The following ENOSF1 variants were observed in gnomAD, a reference collection of about 807,000 sequenced individuals.
The protein encoded by ENOSF1 is mitochondrial enolase superfamily member 1.
A neutral mutation model predicts 68.2 loss-of-function variants in ENOSF1; 73 were observed. The ratio of observed to expected loss-of-function variants is 1.07; its 90% CI spans 0.89 to 1.30. The LOEUF (loss-of-function observed/expected upper bound fraction) is 1.30, where lower values mean the gene tolerates loss of function less well. Ranked by LOEUF, ENOSF1 falls within the 50% of genes most tolerant of loss-of-function variation. ENOSF1 has a pLI of 0.00. For synonymous variants in ENOSF1, 223 were observed against 210.4 expected, an observed-to-expected ratio of 1.06 and a Z score of -0.52; for missense variants, 589 against 554.5, an observed-to-expected ratio of 1.06 and a Z score of -0.62.
rs1297504515 is a variant in ENOSF1 at position 675,257 on chromosome 18, A to C, written c.1230+64T>G. The C allele has an allele frequency of 3.1e-6, 4 of 1,271,980 alleles. No individual in the cohort carries two copies. The African/African-American group carries it at 4.4e-5, about 14-fold the overall frequency. 78.8% of individuals were successfully genotyped at this position (1,271,980 alleles called of 1,614,324 possible). ...AGCTTGGTGCTCCACAGTCTAGTTC[A>C]CGAGACAGGCGTGGCAGTGGCTGGC... On this transcript the variant is annotated intron_variant, in intron 15 of 15. Coordinates refer to ENST00000647584, the MANE Select transcript of ENOSF1 (RefSeq NM_017512.7).
downstream of ENOSF1, among the ~76,000 whole-genome samples, chr18:666,969 T>TGATGGTGATGGCGATGGC (rs2074841687): frequency 7.2e-5 from 1 of 13,962 alleles, no homozygotes; most frequent in African/African-American, 3.6e-4. Flanking sequence ...ATGGAGATGG[T>TGATGGTGATGGCGATGGC]GATGGAGATG....
chr18:697,329 G>T lies in ENOSF1; in HGVS notation c.220C>A (p.His74Asn). The stretch of plus-strand genomic sequence containing the variant: ...TTGAGGTCCTTGTTGAGCACATGGT[G>T]GGCGAGGGCATTCACAGCACAGACA... ...VVVCAVNALA[H>N]HVLNKDLKDI... The change falls in exon 3 of 16, where the codon CAC becomes AAC. Residue 74 changes from histidine (H) to asparagine (N), a missense_variant. Coordinates refer to ENST00000647584, the MANE Select transcript of ENOSF1 (RefSeq NM_017512.7). The T allele has an allele frequency of 6.2e-7, 1 of 1,613,790 alleles. No individual in the cohort carries two copies. Among genetic ancestry groups the T allele is most frequent in the Non-Finnish European group, 8.5e-7 (1 of 1,179,832 alleles).
chr18:675,592 A>C (rs2075411156), intron 14 of ENOSF1, 190 bp from the exon 15 acceptor site: 2 of 586,652 alleles, frequency 3.4e-6, no homozygotes, highest in Non-Finnish European at 6.1e-6. Context: ...AAAATATAGC[A>C]ATGTGAGGTG....
In ENOSF1 at chr18:697,327, G is replaced by A; in HGVS notation, c.222C>T (p.His74=). 2.5e-6 allele frequency: 4 copies of A among 1,613,902 alleles called. No individual in the cohort carries two copies. The highest frequency in any genetic ancestry group is 3.4e-6 in the Non-Finnish European group (4 of 1,179,906). ...VVVCAVNALA[H]HVLNKDLKDI... is the part of the protein sequence containing the mutation. ...CCTTGAGGTCCTTGTTGAGCACATG[G>A]TGGGCGAGGGCATTCACAGCACAGA... is the stretch of plus-strand genomic sequence containing the variant. Residue 74 remains histidine, a synonymous_variant, in exon 3 of 16, where the codon CAC becomes CAT. Transcript: ENST00000647584.
Position 706,454 on chromosome 18 carries a change from A to G in ENOSF1, c.193+16T>C, listed in dbSNP as rs1322060883. 6.5e-7 allele frequency: 1 copy of G among 1,534,984 alleles called. No individual in the cohort carries two copies. The highest frequency in any genetic ancestry group is 2.2e-5 in the East Asian group (1 of 44,532). On this transcript the variant is annotated intron_variant, in intron 2 of 15. Coordinates refer to ENST00000647584, the MANE Select transcript of ENOSF1 (RefSeq NM_017512.7). The stretch of plus-strand genomic sequence containing the variant: ...AAATTAAGCATTCTGGAACCTCGAG[A>G]GAATCTTCAACTCACCAACTTCAGT...
intron 1 of ENOSF1, among the ~76,000 whole-genome samples, chr18:707,077 C>G (rs980670927): frequency 3.3e-5 from 5 of 151,938 alleles, no homozygotes; most frequent in African/African-American, 1.2e-4. Context: ...CCTTGGCCTC[C>G]CAAAGTGCTG....
At chr18:703,117 G>T (rs754121192) in intron 2 of ENOSF1, among the ~76,000 whole-genome samples, 18 of 152,160 alleles carry the variant, frequency 1.2e-4, no homozygotes, top group Non-Finnish European at 2.5e-4. Flanking sequence ...GAAAAAGGAG[G>T]AAGCCAAAAC....
intron 9 of ENOSF1, 24 bp from the exon 10 acceptor site, chr18:686,032 AGT>A: frequency 6.3e-7 from 1 of 1,575,066 alleles, no homozygotes; most frequent in East Asian, 2.2e-5. Context: ...TTGGTTTGCT[AGT>A]TTAGACCTGT....
rs1268774668 is a variant in ENOSF1, at chr18:671,460, T to C, written c.*2845A>G. On this transcript the variant is annotated 3_prime_UTR_variant, in exon 16 of 16. Transcript: ENST00000647584. Reference sequence around the variant, plus strand: ...AGCCACTGAAAATTCAGGTAAGAATTAGATGTTATACTTTTGGGTTTGGTA... The same window carrying C: ...AGCCACTGAAAATTCAGGTAAGAATCAGATGTTATACTTTTGGGTTTGGTA... The C allele has an allele frequency of 6.3e-7, 1 of 1,591,966 alleles. No homozygotes were observed. The highest frequency in any genetic ancestry group is 1.7e-5 in the Admixed American group (1 of 59,794).
At position 694,302 on chromosome 18, in the gene ENOSF1, C is replaced by T. The variant is rs779139117; in HGVS notation, c.342G>A (p.Ala114=). The T allele has an allele frequency of 2.2e-5, 35 of 1,614,024 alleles. No individual in the cohort carries two copies. The highest frequency in any genetic ancestry group is 5.3e-5 in the African/African-American group (4 of 74,888). ...IGPEKGVVHL[A]TAAVLNAVWD... ...ACACCGCGTTTAGGACGGCCGCTGT[C>T]GCCAGGTGCACCACGCCCTTTTCTG... Residue 114 remains alanine (A), a synonymous_variant, in exon 4 of 16, where the codon GCG becomes GCA. Coordinates refer to ENST00000647584, the MANE Select transcript of ENOSF1 (RefSeq NM_017512.7).
At chr18:707,878 G>C (rs1219411633) in intron 1 of ENOSF1, among the ~76,000 whole-genome samples, 1 of 150,732 alleles carries the variant, frequency 6.6e-6, no homozygotes, top group Non-Finnish European at 1.5e-5. Context: ...TATTATTTTT[G>C]AGACTGACTC....
intron 7 of ENOSF1, 71 bp from the exon 8 acceptor site, chr18:690,702 A>AAGCTGTTTCCCCTGGAGAGTAC: frequency 6.3e-7 from 1 of 1,579,840 alleles, no homozygotes; most frequent in Non-Finnish European, 8.6e-7. Context: ...GCCTGTAGCT[A>AAGCTGTTTCCCCTGGAGAGTAC]AGCTGTTTCC....
At chr18:692,615 G>GAAAGAAAA (rs1318658805) in intron 5 of ENOSF1, 3 of 739,104 alleles carry the variant, frequency 4.1e-6, no homozygotes, top group African/African-American at 2.0e-5. Context: ...AAAAAAGAAA[G>GAAAGAAAA]AAAGAAAAAA....
chr18:704,376 C>T (rs957509466), intron 2 of ENOSF1, among the ~76,000 whole-genome samples: 2 of 133,718 alleles, frequency 1.5e-5, no homozygotes, highest in Admixed American at 8.7e-5. Context: ...TTGTAGTGAG[C>T]GAGATTGCGC....
In ENOSF1 at chr18:670,997, T is replaced by C; in HGVS notation, c.*3308A>G. 1 of 1,105,304 alleles carries C rather than the reference T, an allele frequency of 9.0e-7. No homozygotes were observed. Among genetic ancestry groups the C allele is most frequent in the South Asian group, 1.6e-5 (1 of 61,418 alleles). 68.5% of individuals were successfully genotyped at this position (1,105,304 alleles called of 1,614,324 possible). ...AAATTTGATATGTGTAAGTAAGAAA[T>C]GAACCAGCTTTTACTTTGAAACCTT... On this transcript the variant is annotated 3_prime_UTR_variant, in exon 16 of 16. Coordinates refer to ENST00000647584, the MANE Select transcript of ENOSF1 (RefSeq NM_017512.7).
chr18:680,672 T>TTG (rs1228261881), intron 11 of ENOSF1, among the ~76,000 whole-genome samples: 18 of 130,852 alleles, frequency 1.4e-4, no homozygotes, highest in African/African-American at 4.5e-4. Flanking sequence ...CACTATGCTG[T>TTG]TGTGTTTTTT....
rs748095422 is a variant in ENOSF1, at chr18:672,921, A to G, written c.*1384T>C. ...ATTCTTCGAAAAGTTGAGAAAATTG[A>G]TGACTTCAAAGCTGAAGACTTTCAG... is the stretch of plus-strand genomic sequence containing the variant. On this transcript the variant is annotated 3_prime_UTR_variant, in exon 16 of 16. Transcript: ENST00000647584. 20 of 1,598,970 alleles carry G rather than the reference A, an allele frequency of 1.3e-5. No homozygotes were observed. Among genetic ancestry groups the G allele is most frequent in the Non-Finnish European group, 1.5e-5 (18 of 1,168,258 alleles).
chr18:712,334 G>A (rs1487133845), intron 1 of ENOSF1, 170 bp downstream of exon 1: 5 of 1,535,110 alleles, frequency 3.3e-6, no homozygotes, highest in South Asian at 1.2e-5. Flanking sequence ...GGGGCGGGAG[G>A]GACCCGGGCC....
At chr18:678,391 TG>T in intron 12 of ENOSF1, 1 of 451,014 alleles carries the variant, frequency 2.2e-6, no homozygotes, top group Non-Finnish European at 3.9e-6. Flanking sequence ...ATTTGAAAGC[TG>T]GCTTTCTTAA....
Sources: allele counts gnomAD v4.1 joint callset (sites outside exome capture counted in the v4.1 genomes callset), GRCh38; gene constraint gnomAD v4.1.1; transcripts MANE v1.5; gene names NCBI Gene and HGNC (gene_info 2026-07-23, HGNC 2026-07-21).